The following LYPLAL1 variants were observed in gnomAD, a reference collection of about 807,000 sequenced individuals.
LYPLAL1 encodes lysophospholipase-like protein 1.
Under a neutral mutation model 19.7 loss-of-function variants are expected in LYPLAL1, and 23 were observed. That is an observed-to-expected ratio of 1.17 (90% CI 0.84 to 1.65). LYPLAL1 has a LOEUF of 1.65. Ranked by LOEUF, LYPLAL1 falls within the 40% of genes most tolerant of loss-of-function variation. The pLI, the probability that LYPLAL1 is intolerant of heterozygous loss-of-function variation, is 0.00. For synonymous variants in LYPLAL1, 119 were observed against 96.3 expected (o/e 1.24, Z -1.38); for missense variants, 355 against 279.4 (o/e 1.27, Z -1.93).
chr1:219,210,492 A>T (rs372678957), intron 3 of LYPLAL1, 40 bp from the exon 4 acceptor site: 1 of 1,156,290 alleles, frequency 8.6e-7, no homozygotes, highest in South Asian at 1.4e-5. Context: ...CTAAATTATT[A>T]TTTTATGTAT....
chr1:219,400,499 CT>C, the LYPLAL1 span, among the ~76,000 whole-genome samples: 63,866 of 144,162 alleles, frequency 0.44, 14,703 homozygotes, highest in East Asian at 0.59. Flanking sequence ...GTCTATCTAT[CT>C]TTTTTTTTTT....
chr1:219,430,658 G>T, the LYPLAL1 span, among the ~76,000 whole-genome samples: 1 of 152,086 alleles, frequency 6.6e-6, no homozygotes, highest in Non-Finnish European at 1.5e-5. Flanking sequence ...ATTGCCCTTG[G>T]TTTGTGGCTT....
At chr1:219,243,646 G>A in the LYPLAL1 span, among the ~76,000 whole-genome samples, 4 of 152,080 alleles carry the variant, frequency 2.6e-5, no homozygotes, top group Non-Finnish European at 4.4e-5. Context: ...AGGTCCCGGC[G>A]CAGTGGCTCA....
intron 2 of LYPLAL1, among the ~76,000 whole-genome samples, chr1:219,184,515 C>T (rs1020128129): frequency 1.3e-5 from 2 of 151,794 alleles, no homozygotes; most frequent in Non-Finnish European, 2.9e-5. Context: ...GAAGTGAGTA[C>T]TTCCTTCCTG....
chr1:219,388,055 G>A, the LYPLAL1 span, among the ~76,000 whole-genome samples: 1 of 152,078 alleles, frequency 6.6e-6, no homozygotes, highest in Non-Finnish European at 1.5e-5. Flanking sequence ...CACAGCAAAT[G>A]TTTTACCTCC....
the LYPLAL1 span, among the ~76,000 whole-genome samples, chr1:219,229,365 ACGCAGAGCTTGG>A: frequency 4.0e-5 from 6 of 150,188 alleles, no homozygotes; most frequent in South Asian, 2.1e-4. Flanking sequence ...CAGCAGAACC[ACGCAGAGCTTGG>A]CTGGGGCAAT....
rs531690984 is a variant in LYPLAL1, at chr1:219,175,856, A to G, written c.91+1875A>G. The stretch of plus-strand genomic sequence containing the variant: ...TATAGGAGATGTTTGGTTTCTGCTT[A>G]ACTAGAATATGGGCAAACCAATTCT... On this transcript the variant is annotated intron_variant, in intron 1 of 4. Coordinates refer to ENST00000366928, the MANE Select transcript of LYPLAL1 (RefSeq NM_138794.5). Among the ~76,000 whole-genome samples the G allele has an allele frequency of 1.2e-4, 19 of 152,352 alleles. No homozygotes were observed. The East Asian group carries it at 3.7e-3, about 29-fold the overall frequency.
chr1:219,332,827 C>T, the LYPLAL1 span, among the ~76,000 whole-genome samples: 1 of 144,082 alleles, frequency 6.9e-6, no homozygotes, highest in Non-Finnish European at 1.5e-5. Flanking sequence ...TTTCTGCCCC[C>T]CCCCCCCAAA....
At chr1:219,360,480 G>A in the LYPLAL1 span, among the ~76,000 whole-genome samples, 2 of 152,132 alleles carry the variant, frequency 1.3e-5, no homozygotes, top group Non-Finnish European at 2.9e-5. Context: ...GAAAGCGTAA[G>A]TTCCTATGAG....
chr1:219,179,194 C>G lies in LYPLAL1; in HGVS notation c.139C>G (p.Gln47Glu). The G allele has an allele frequency of 6.2e-7, 1 of 1,612,472 alleles. No homozygotes were observed. The highest frequency in any genetic ancestry group is 1.3e-5 in the African/African-American group (1 of 74,916). ...LRMWIKQVLN[Q>E]DLTFQHIKII... ...AATGTGGATCAAGCAGGTTTTAAAT[C>G]AAGATTTAACATTCCAACACATAAA... The change falls in exon 2 of 5, where the codon CAA becomes GAA. Residue 47 changes from glutamine (Q) to glutamate (E), a missense_variant. Gln to Glu is a conservative substitution (Grantham distance 29). Transcript: ENST00000366928.
chr1:219,418,749 C>T, the LYPLAL1 span, among the ~76,000 whole-genome samples: 41 of 152,288 alleles, frequency 2.7e-4, no homozygotes, highest in African/African-American at 7.7e-4. Flanking sequence ...ATTATAGTAA[C>T]ATATAAAGTA....
chr1:219,356,908 T>C, the LYPLAL1 span, among the ~76,000 whole-genome samples: 1 of 152,244 alleles, frequency 6.6e-6, no homozygotes, highest in Non-Finnish European at 1.5e-5. Context: ...TTTGGTTCAT[T>C]GAATTAAGCA....
At chr1:219,388,849 T>A in the LYPLAL1 span, among the ~76,000 whole-genome samples, 1 of 152,198 alleles carries the variant, frequency 6.6e-6, no homozygotes, top group Non-Finnish European at 1.5e-5. Context: ...TCATTATTAC[T>A]TGATGAGACT....
At chr1:219,220,603 C>A in the LYPLAL1 span, among the ~76,000 whole-genome samples, 1 of 152,090 alleles carries the variant, frequency 6.6e-6, no homozygotes, top group East Asian at 1.9e-4. Flanking sequence ...CATTTACTGA[C>A]CAAACTGCCT....
At chr1:219,309,745 G>C in the LYPLAL1 span, among the ~76,000 whole-genome samples, 1 of 152,178 alleles carries the variant, frequency 6.6e-6, no homozygotes, top group South Asian at 2.1e-4. Flanking sequence ...GGAACTGTAA[G>C]TTCAATTAAA....
At chr1:219,222,074 C>T in the LYPLAL1 span, among the ~76,000 whole-genome samples, 1 of 152,114 alleles carries the variant, frequency 6.6e-6, no homozygotes, top group East Asian at 1.9e-4. Flanking sequence ...ACCTGACATT[C>T]TTCAAAATAT....
chr1:219,203,176 G>T (rs1658259755), intron 3 of LYPLAL1, among the ~76,000 whole-genome samples: 1 of 151,970 alleles, frequency 6.6e-6, no homozygotes, highest in South Asian at 2.1e-4. Context: ...GTGTAGTTGT[G>T]TTTGTGTAAC....
the LYPLAL1 span, among the ~76,000 whole-genome samples, chr1:219,226,453 T>A: frequency 6.6e-6 from 1 of 152,214 alleles, no homozygotes; most frequent in Non-Finnish European, 1.5e-5. Context: ...TGGAAGACAC[T>A]GATCATCGGT....
chr1:219,230,656 A>C, the LYPLAL1 span, among the ~76,000 whole-genome samples: 1 of 152,234 alleles, frequency 6.6e-6, no homozygotes, highest in African/African-American at 2.4e-5. Context: ...CAAATATAAC[A>C]ATCTGCCTCC....
Sources: allele counts gnomAD v4.1 joint callset (sites outside exome capture counted in the v4.1 genomes callset), GRCh38; gene constraint gnomAD v4.1.1; transcripts MANE v1.5; gene names NCBI Gene and HGNC (gene_info 2026-07-23, HGNC 2026-07-21).